The following HBP1 variants were observed in gnomAD, a reference collection of about 807,000 sequenced individuals.
HBP1 encodes HMG-box transcription factor 1.
HBP1 carries 20 observed loss-of-function variants against 62.6 expected under a neutral mutation model. The ratio of observed to expected loss-of-function variants is 0.32; its 90% CI spans 0.22 to 0.46. The LOEUF is 0.46. HBP1 is among the 20% of genes least tolerant of loss of function. The pLI, the probability that HBP1 is intolerant of heterozygous loss-of-function variation, is 1.00. For missense variants in HBP1, 480 were observed against 611.8 expected (o/e 0.78, Z 2.27); for synonymous variants, 232 against 206.2 (o/e 1.12, Z -1.07).
At position 107,179,854 on chromosome 7, in the gene HBP1, TTCTTAA is replaced by T; in HGVS notation, c.-15-23_-15-18del. The T allele has an allele frequency of 4.0e-6, 6 of 1,507,560 alleles. No homozygotes were observed. Among genetic ancestry groups the T allele is most frequent in the Non-Finnish European group, 5.5e-6 (6 of 1,094,250 alleles). The allele number at this position is 1,507,560 out of a possible 1,614,324, so 93.4% of individuals were successfully genotyped here. On this transcript the variant is annotated intron_variant, in intron 1 of 10. Coordinates refer to ENST00000222574, the MANE Select transcript of HBP1 (RefSeq NM_012257.4). Reference sequence around the variant, plus strand: ...CCCAAATTGCATGGCTTGACATCATTTCTTAATGTCGTTTTTATTTTAAGTCAGAGC... The same window carrying T: ...CCCAAATTGCATGGCTTGACATCATTTGTCGTTTTTATTTTAAGTCAGAGC...
chr7:107,172,745 A>AT (rs138858240), intron 1 of HBP1, among the ~76,000 whole-genome samples: 5,002 of 151,162 alleles, frequency 0.033, 197 homozygotes, highest in African/African-American at 0.095. Flanking sequence ...TACTAGTCCC[A>AT]TTTTTTTTTA....
chr7:107,196,331 C>T (rs1484827395), intron 9 of HBP1, 180 bp downstream of exon 9: 10 of 631,446 alleles, frequency 1.6e-5, no homozygotes, highest in East Asian at 9.4e-5. Context: ...TCCAGTGGTA[C>T]GATCTCAGCT....
At chr7:107,169,850 T>TG in intron 1 of HBP1, 1 of 974,344 alleles carries the variant, frequency 1.0e-6, no homozygotes, top group Non-Finnish European at 1.2e-6. Context: ...CGAAAGAGGG[T>TG]GGGGGATGGA....
At chr7:107,186,327 CAAAT>C (rs897180489) in intron 4 of HBP1, 30 bp from the exon 5 acceptor site, 9 of 1,273,606 alleles carry the variant, frequency 7.1e-6, no homozygotes, top group South Asian at 1.2e-5. Flanking sequence ...ATTTTAAAAA[CAAAT>C]AAAAAAGTTG....
At chr7:107,181,032 C>T (rs938652750) in intron 2 of HBP1, among the ~76,000 whole-genome samples, 2 of 151,992 alleles carry the variant, frequency 1.3e-5, no homozygotes, top group Non-Finnish European at 2.9e-5. Context: ...TGGTCAAAGG[C>T]AGTGAGGGAA....
At chr7:107,182,735 C>G in intron 3 of HBP1, 134 bp downstream of exon 3, 2 of 572,684 alleles carry the variant, frequency 3.5e-6, no homozygotes, top group Non-Finnish European at 6.2e-6. Flanking sequence ...AGCTCCTTAT[C>G]TAATGATCAA....
intron 1 of HBP1, among the ~76,000 whole-genome samples, chr7:107,178,184 T>C (rs558597382): frequency 6.0e-4 from 91 of 152,196 alleles, no homozygotes; most frequent in Non-Finnish European, 8.5e-4. Flanking sequence ...ATTAGAACTT[T>C]TTCTTTAAGA....
At chr7:107,181,303 C>T (rs563037134) in intron 2 of HBP1, among the ~76,000 whole-genome samples, 3 of 152,038 alleles carry the variant, frequency 2.0e-5, no homozygotes, top group Admixed American at 2.0e-4. Flanking sequence ...ATCATCTCTA[C>T]AAAAATTTTC....
chr7:107,173,493 A>G (rs1277398250), intron 1 of HBP1: 1 of 152,228 alleles, frequency 6.6e-6, no homozygotes, highest in Admixed American at 6.5e-5. Flanking sequence ...CCATTTAGTC[A>G]TCATAGTCCT....
Position 107,189,387 on chromosome 7 carries a change from A to AGAAGATG in HBP1, c.863_869dup (p.Leu291ArgfsTer9), listed in dbSNP as rs1274984863. The AGAAGATG allele has an allele frequency of 6.2e-7, 1 of 1,612,750 alleles. No homozygotes were observed. Among genetic ancestry groups the AGAAGATG allele is most frequent in the Non-Finnish European group, 8.5e-7 (1 of 1,178,818 alleles). ...AGTTGACTTTTGATCCTGGTACAGT[A>AGAAGATG]GAAGATGGTTTACTTACCGTAGAGT... is the stretch of plus-strand genomic sequence containing the variant. On this transcript the variant is annotated frameshift_variant, in exon 7 of 11. Transcript: ENST00000222574. LOFTEE classifies it high-confidence loss of function.
chr7:107,195,592 T>G (rs955137788), intron 8 of HBP1, among the ~76,000 whole-genome samples: 6 of 152,322 alleles, frequency 3.9e-5, no homozygotes, highest in Middle Eastern at 3.4e-3. Flanking sequence ...AAGTCTTTTT[T>G]AAGCTTTTGT....
At chr7:107,170,053 G>A (rs919535875) in intron 1 of HBP1, 25 of 985,130 alleles carry the variant, frequency 2.5e-5, no homozygotes, top group Non-Finnish European at 2.8e-5. Context: ...TTCACTCTCC[G>A]CTGTGCACTC....
At chr7:107,186,147 C>CTTTTTTTTGTTTTTTTT (rs961142033) in intron 4 of HBP1, among the ~76,000 whole-genome samples, 1 of 135,116 alleles carries the variant, frequency 7.4e-6, no homozygotes, top group Non-Finnish European at 1.6e-5. Context: ...TTGTGTGTGT[C>CTTTTTTTTGTTTTTTTT]TTTTTTTTCT....
At position 107,188,329 on chromosome 7, in the gene HBP1, A is replaced by G. The variant is rs547132983; in HGVS notation, c.766-963A>G. Among the ~76,000 whole-genome samples the G allele has an allele frequency of 3.3e-5, 5 of 152,172 alleles. No homozygotes were observed. The South Asian group carries it at 8.3e-4, about 25-fold the overall frequency. ...TTCCTCCTATTCTTTCAAAGTTGTT[A>G]TTATCATCCTTCTTGATTACCAGAT... On this transcript the variant is annotated intron_variant, in intron 6 of 10. Transcript: ENST00000222574.
intron 8 of HBP1, among the ~76,000 whole-genome samples, chr7:107,194,973 T>G (rs1227858521): frequency 2.0e-5 from 3 of 152,228 alleles, no homozygotes; most frequent in African/African-American, 7.2e-5. Flanking sequence ...TTCGGGAGAC[T>G]GATGTATGTA....
chr7:107,169,566 G>A (rs1357621883), intron 1 of HBP1, among the ~76,000 whole-genome samples: 1 of 149,832 alleles, frequency 6.7e-6, no homozygotes, highest in Non-Finnish European at 1.5e-5. Flanking sequence ...TCAACTCCCC[G>A]TTTGTGGGCG....
At chr7:107,173,927 T>C (rs1007148471) in intron 1 of HBP1, among the ~76,000 whole-genome samples, 2 of 152,194 alleles carry the variant, frequency 1.3e-5, no homozygotes, top group Admixed American at 1.3e-4. Flanking sequence ...CCAGGAGATA[T>C]TTGAAAGAGG....
chr7:107,196,651 C>G (rs537212304), intron 9 of HBP1: 42 of 205,500 alleles, frequency 2.0e-4, no homozygotes, highest in Non-Finnish European at 3.7e-4. Context: ...ATTAGGTTAT[C>G]TACCTTAGTA....
intron 3 of HBP1, among the ~76,000 whole-genome samples, chr7:107,183,330 G>C (rs1291587437): frequency 6.6e-6 from 1 of 152,204 alleles, no homozygotes; most frequent in Non-Finnish European, 1.5e-5. Context: ...AGGAATAACT[G>C]TAAATTTTGT....
Sources: allele counts gnomAD v4.1 joint callset (sites outside exome capture counted in the v4.1 genomes callset), GRCh38; gene constraint gnomAD v4.1.1; transcripts MANE v1.5; gene names NCBI Gene and HGNC (gene_info 2026-07-23, HGNC 2026-07-21).